Variants in GRIA4 observed in about 807,000 individuals in gnomAD.
GRIA4 encodes the protein glutamate ionotropic receptor AMPA type subunit 4, also known as glutamate receptor 4.
Under a neutral mutation model 104.0 loss-of-function variants are expected in GRIA4, and 34 were observed. That is an observed-to-expected ratio of 0.33 (90% CI 0.25 to 0.44). GRIA4 has a LOEUF of 0.44. Ranked by LOEUF, GRIA4 falls within the 20% of genes least tolerant of loss-of-function variation. The pLI, the probability that GRIA4 is intolerant of heterozygous loss-of-function variation, is 1.00. For synonymous variants in GRIA4, 386 were observed against 381.9 expected (o/e 1.01, Z -0.13); for missense variants, 750 against 1,096.5 (o/e 0.68, Z 4.46).
intron 11 of GRIA4, among the ~76,000 whole-genome samples, chr11:105,921,306 G>GGTGTGTGTGTGTGTGTGTGT (rs5794436): frequency 2.2e-5 from 3 of 138,768 alleles, no homozygotes; most frequent in African/African-American, 8.0e-5. Flanking sequence ...ACCACACTTG[G>GGTGTGTGTGTGTGTGTGTGT]GTGTGTGTGT....
At chr11:105,724,705 A>C (rs1334977691) in intron 3 of GRIA4, among the ~76,000 whole-genome samples, 1 of 152,130 alleles carries the variant, frequency 6.6e-6, no homozygotes, top group Admixed American at 6.6e-5. Flanking sequence ...ATTTGAGTGA[A>C]GAATACACTA....
chr11:105,611,177 A>T, intron 2 of GRIA4, 92 bp downstream of exon 2: 3 of 870,786 alleles, frequency 3.4e-6, no homozygotes, highest in Non-Finnish European at 5.8e-6. Flanking sequence ...AATTCAGGGA[A>T]ACCTTCAGCA....
intron 4 of GRIA4, among the ~76,000 whole-genome samples, chr11:105,788,704 A>G (rs141947607): frequency 1.3e-5 from 2 of 152,102 alleles, no homozygotes; most frequent in African/African-American, 4.8e-5. Flanking sequence ...AGTACACATG[A>G]ACATAAAGAT....
At chr11:105,813,910 C>CTTTA (rs1943275082) in intron 4 of GRIA4, among the ~76,000 whole-genome samples, 1 of 152,050 alleles carries the variant, frequency 6.6e-6, no homozygotes, top group South Asian at 2.1e-4. Flanking sequence ...TGGGCGGTTG[C>CTTTA]TTTAATAGGT....
chr11:105,660,167 A>G (rs1046851753), intron 3 of GRIA4, among the ~76,000 whole-genome samples: 2 of 151,660 alleles, frequency 1.3e-5, no homozygotes, highest in African/African-American at 4.8e-5. Flanking sequence ...ATAAGCACAT[A>G]AAGATAATTC....
chr11:105,625,620 T>G (rs1950867330), intron 3 of GRIA4, among the ~76,000 whole-genome samples: 1 of 152,166 alleles, frequency 6.6e-6, no homozygotes, highest in Non-Finnish European at 1.5e-5. Context: ...ACGATCAGTA[T>G]AGAATTAAAC....
At chr11:105,938,292 C>T (rs991602867) in intron 14 of GRIA4, among the ~76,000 whole-genome samples, 2 of 152,054 alleles carry the variant, frequency 1.3e-5, no homozygotes, top group African/African-American at 2.4e-5. Context: ...AGTACTTAGA[C>T]GGTTTAGGAA....
chr11:105,756,997 C>T (rs1484204946), intron 4 of GRIA4, among the ~76,000 whole-genome samples: 5 of 152,050 alleles, frequency 3.3e-5, no homozygotes, highest in Admixed American at 2.0e-4. Context: ...AAAGGAGATA[C>T]AGGTATAAAA....
intron 4 of GRIA4, among the ~76,000 whole-genome samples, chr11:105,808,712 C>T (rs1048235342): frequency 6.6e-6 from 1 of 152,032 alleles, no homozygotes; most frequent in South Asian, 2.1e-4. Flanking sequence ...ACATGGCTAA[C>T]CTGTCTCACA....
At chr11:105,651,919 T>A (rs781287405) in intron 3 of GRIA4, among the ~76,000 whole-genome samples, 5 of 152,014 alleles carry the variant, frequency 3.3e-5, no homozygotes, top group Admixed American at 6.6e-5. Flanking sequence ...CAGGTCCAAA[T>A]ACAAAGTAAT....
At chr11:105,743,157 G>A (rs1284277168) in intron 3 of GRIA4, among the ~76,000 whole-genome samples, 1 of 151,962 alleles carries the variant, frequency 6.6e-6, no homozygotes, top group Non-Finnish European at 1.5e-5. Context: ...TTATCCCTGA[G>A]GTATTTTAAA....
At chr11:105,696,927 C>A (rs1953301115) in intron 3 of GRIA4, among the ~76,000 whole-genome samples, 1 of 152,020 alleles carries the variant, frequency 6.6e-6, no homozygotes, top group Non-Finnish European at 1.5e-5. Context: ...ACCACCCCAG[C>A]TAATTTTTGT....
chr11:105,635,053 C>T (rs562483114), intron 3 of GRIA4, among the ~76,000 whole-genome samples: 54 of 152,204 alleles, frequency 3.5e-4, no homozygotes, highest in African/African-American at 1.2e-3. Context: ...CTAATAAATT[C>T]GGTGATACAC....
intron 3 of GRIA4, among the ~76,000 whole-genome samples, chr11:105,711,454 A>T (rs1953907532): frequency 6.6e-6 from 1 of 152,068 alleles, no homozygotes; most frequent in South Asian, 2.1e-4. Context: ...AAGAAAAAAA[A>T]TTATTCCTTC....
intron 3 of GRIA4, among the ~76,000 whole-genome samples, chr11:105,714,260 A>G (rs995394660): frequency 6.6e-6 from 1 of 152,066 alleles, no homozygotes; most frequent in Non-Finnish European, 1.5e-5. Context: ...AAAACAAAAA[A>G]AAAAATCAAT....
chr11:105,926,766 G>A lies in GRIA4; in HGVS notation c.1873G>A (p.Gly625Ser), dbSNP rs2136198789. The A allele has an allele frequency of 6.2e-7, 1 of 1,607,808 alleles. No individual in the cohort carries two copies. The highest frequency in any genetic ancestry group is 1.3e-5 in the African/African-American group (1 of 74,878). Residue 625 changes from glycine to serine, a missense_variant, in exon 13 of 17, where the codon GGT (glycine) becomes AGT (serine). Physicochemically the swap from Gly to Ser is moderately conservative, Grantham distance 56 (BLOSUM62 0). Around this residue, in one of 3 missense-constraint regions of GRIA4, gnomAD observed 272 missense variants for 524.5 expected, o/e 0.52. Coordinates refer to ENST00000282499, the MANE Select transcript of GRIA4 (RefSeq NM_000829.4). Reference protein sequence around the residue: ...PRSLSGRIVGGVWWFFTLIII... With the variant: ...PRSLSGRIVGSVWWFFTLIII... ...ATCCCTCTCAGGTCGAATTGTTGGA[G>A]GTGTTTGGTGGTTCTTTACACTCAT...
At chr11:105,742,043 A>G (rs1939343268) in intron 3 of GRIA4, among the ~76,000 whole-genome samples, 4 of 152,156 alleles carry the variant, frequency 2.6e-5, no homozygotes, top group African/African-American at 9.7e-5. Context: ...TGTGTTATTC[A>G]TTCAGTAGGG....
chr11:105,899,667 C>T (rs1191048371), intron 7 of GRIA4, among the ~76,000 whole-genome samples: 1 of 152,158 alleles, frequency 6.6e-6, no homozygotes, highest in East Asian at 1.9e-4. Flanking sequence ...AAATATAGAA[C>T]TATTGCTCCA....
At chr11:105,685,305 C>G (rs775277864) in intron 3 of GRIA4, among the ~76,000 whole-genome samples, 2 of 152,124 alleles carry the variant, frequency 1.3e-5, no homozygotes, top group African/African-American at 4.8e-5. Context: ...TGACACTTCA[C>G]CAAATTTAGA....
Sources: gnomAD v4.1 joint callset for allele counts (sites outside exome capture counted in the v4.1 genomes callset) on GRCh38, gnomAD v4.1.1 for gene constraint, gnomAD v4.1.1 regional missense constraint, MANE v1.5 for transcripts, NCBI Gene and HGNC (gene_info 2026-07-23, HGNC 2026-07-21) for gene names.